RRAS2: variants seen among roughly 807,000 people sequenced by gnomAD.
RRAS2 encodes RAS related 2.
In RRAS2, 7 loss-of-function variants were observed where a neutral mutation model predicts 27.6. The observed-to-expected ratio is 0.25, with a 90% confidence interval of 0.14 to 0.48. The LOEUF is 0.48. Ranked by LOEUF, RRAS2 falls within the 20% of genes least tolerant of loss-of-function variation. The probability of loss-of-function intolerance (pLI) is 0.99; values close to 1 mark genes in which losing one functional copy is unlikely to be tolerated. For missense variants in RRAS2, 178 were observed against 256.2 expected (o/e 0.69, Z 2.08); for synonymous variants, 86 against 90.9 (o/e 0.95, Z 0.31).
At chr11:14,310,619 C>A (rs1161812652) in intron 1 of RRAS2, among the ~76,000 whole-genome samples, 1 of 152,102 alleles carries the variant, frequency 6.6e-6, no homozygotes, top group Non-Finnish European at 1.5e-5. Flanking sequence ...ATATACCAGG[C>A]ACTGCTCTCT....
chr11:14,342,422 C>G (rs1554953400), intron 1 of RRAS2, among the ~76,000 whole-genome samples: 1 of 152,150 alleles, frequency 6.6e-6, no homozygotes, highest in African/African-American at 2.4e-5. Flanking sequence ...ATGCTGCCTT[C>G]CAATCATAAA....
chr11:14,355,250 G>A (rs1430926549), intron 1 of RRAS2, among the ~76,000 whole-genome samples: 1 of 151,772 alleles, frequency 6.6e-6, no homozygotes, highest in African/African-American at 2.4e-5. Flanking sequence ...AAGCTCAGTC[G>A]AGATAAAGGC....
intron 1 of RRAS2, among the ~76,000 whole-genome samples, chr11:14,300,267 C>G (rs567645866): frequency 1.3e-5 from 2 of 152,112 alleles, no homozygotes; most frequent in Non-Finnish European, 2.9e-5. Context: ...CATGCCTTCC[C>G]GGTAGTATGG....
chr11:14,282,886 T>C (rs1420806585), intron 4 of RRAS2, among the ~76,000 whole-genome samples: 1 of 152,196 alleles, frequency 6.6e-6, no homozygotes, highest in African/African-American at 2.4e-5. Context: ...ACAATTTTAT[T>C]TCTTGCTTTT....
rs1554943834 is a variant in RRAS2, at chr11:14,278,721, T to C, written c.*616A>G. 6.6e-6 allele frequency: 1 copy of C among 152,432 alleles called. No individual in the cohort carries two copies. Among genetic ancestry groups the C allele is most frequent in the African/African-American group, 2.4e-5 (1 of 41,460 alleles). The allele number at this position is 152,432 out of a possible 1,614,324, so 9.4% of individuals were successfully genotyped here. A position where few individuals can be genotyped will look rare whatever the true frequency, so the allele number is the denominator to read the frequency against. ...TATTTGACCACATAGAATATTATCA[T>C]CTCCAAGAGTAGGAGTAGTAACACA... On this transcript the variant is annotated 3_prime_UTR_variant, in exon 6 of 6. Transcript: ENST00000256196.
chr11:14,364,218 T>A (rs1849225449), intron 1 of RRAS2, among the ~76,000 whole-genome samples: 1 of 152,200 alleles, frequency 6.6e-6, no homozygotes, highest in Admixed American at 6.5e-5. Flanking sequence ...TACAAACCAA[T>A]ATTGACCAAA....
chr11:14,296,806 C>T (rs1225961676), intron 1 of RRAS2, among the ~76,000 whole-genome samples: 5 of 151,792 alleles, frequency 3.3e-5, no homozygotes, highest in African/African-American at 7.3e-5. Context: ...TCCCAACTAC[C>T]GAAGTCATTA....
intron 1 of RRAS2, among the ~76,000 whole-genome samples, chr11:14,310,713 G>T (rs1452628631): frequency 6.6e-6 from 1 of 152,184 alleles, no homozygotes; most frequent in African/African-American, 2.4e-5. Flanking sequence ...CAAAGAGGAT[G>T]CTAATAATAA....
chr11:14,338,341 G>A, intron 1 of RRAS2, among the ~76,000 whole-genome samples: 1 of 152,136 alleles, frequency 6.6e-6, no homozygotes, highest in East Asian at 1.9e-4. Flanking sequence ...AAATACTTGG[G>A]ACTAGAAGTG....
chr11:14,285,209 C>T (rs1278689688), intron 4 of RRAS2, among the ~76,000 whole-genome samples: 1 of 152,038 alleles, frequency 6.6e-6, no homozygotes, highest in African/African-American at 2.4e-5. Flanking sequence ...TAATTCATGA[C>T]AGTCTAATTC....
chr11:14,304,498 G>T (rs1045619462), intron 1 of RRAS2, among the ~76,000 whole-genome samples: 4 of 152,144 alleles, frequency 2.6e-5, no homozygotes, highest in Non-Finnish European at 5.9e-5. Flanking sequence ...TCTGTCTTTT[G>T]GGTTTCAAAA....
intron 1 of RRAS2, among the ~76,000 whole-genome samples, chr11:14,310,679 A>G (rs550551793): frequency 6.6e-6 from 1 of 152,354 alleles, no homozygotes; most frequent in East Asian, 1.9e-4. Flanking sequence ...GGGTGACCAT[A>G]TAAGTTACTG....
intron 1 of RRAS2, among the ~76,000 whole-genome samples, chr11:14,317,425 C>T (rs996894444): frequency 2.0e-5 from 3 of 152,002 alleles, no homozygotes; most frequent in Non-Finnish European, 2.9e-5. Flanking sequence ...ACTAAAAATA[C>T]AAAAATTAGC....
Position 14,327,332 on chromosome 11 carries a change from A to G in RRAS2, c.108+31431T>C, listed in dbSNP as rs79110712. On this transcript the variant is annotated intron_variant, in intron 1 of 5. Coordinates refer to ENST00000256196, the MANE Select transcript of RRAS2 (RefSeq NM_012250.6). ...ATGGTCAAACCTCAAAACAAGTACT[A>G]TAACCACCACCCAAAAATGCAAAAT... is the stretch of plus-strand genomic sequence containing the variant. 1.2e-4 allele frequency among the ~76,000 whole-genome samples: 19 copies of G among 152,344 alleles called. No homozygotes were observed. The East Asian group carries it at 3.7e-3, about 29-fold the overall frequency.
chr11:14,312,548 T>C (rs1184066201), intron 1 of RRAS2, among the ~76,000 whole-genome samples: 1 of 152,108 alleles, frequency 6.6e-6, no homozygotes, highest in East Asian at 1.9e-4. Context: ...GCCTCCTGAG[T>C]AGCTGGGACT....
At chr11:14,312,164 C>A (rs543955721) in intron 1 of RRAS2, among the ~76,000 whole-genome samples, 1 of 152,234 alleles carries the variant, frequency 6.6e-6, no homozygotes, top group Non-Finnish European at 1.5e-5. Context: ...TGTGCCCGGC[C>A]TGAAAAACTC....
At chr11:14,301,104 T>C (rs1486870747) in intron 1 of RRAS2, among the ~76,000 whole-genome samples, 2 of 152,060 alleles carry the variant, frequency 1.3e-5, no homozygotes, top group East Asian at 3.9e-4. Flanking sequence ...AGGAGTTCTC[T>C]AAAACCATAG....
At chr11:14,305,726 A>C (rs1357460703) in intron 1 of RRAS2, among the ~76,000 whole-genome samples, 4 of 152,196 alleles carry the variant, frequency 2.6e-5, no homozygotes, top group Non-Finnish European at 2.9e-5. Context: ...CCAATTTTTC[A>C]ATATCCTCAC....
chr11:14,310,495 G>A (rs1172650272), intron 1 of RRAS2, among the ~76,000 whole-genome samples: 2 of 152,170 alleles, frequency 1.3e-5, no homozygotes, highest in African/African-American at 4.8e-5. Flanking sequence ...AAAGAAAATG[G>A]TAGCCAGGAG....
Sources: allele counts gnomAD v4.1 joint callset (sites outside exome capture counted in the v4.1 genomes callset), GRCh38; gene constraint gnomAD v4.1.1; transcripts MANE v1.5; gene names NCBI Gene and HGNC (gene_info 2026-07-23, HGNC 2026-07-21).